The following UGT2B11 variants were observed in gnomAD, a reference collection of about 807,000 sequenced individuals.
The protein encoded by UGT2B11 is UDP-glucuronosyltransferase 2B11.
UGT2B11 carries 49 observed loss-of-function variants against 51.7 expected under a neutral mutation model. The observed-to-expected ratio is 0.95, with a 90% CI of 0.75 to 1.20. UGT2B11 has a LOEUF of 1.20. Ranked by LOEUF, UGT2B11 falls within the 50% of genes most tolerant of loss-of-function variation. The probability of loss-of-function intolerance (pLI) is 0.00; values close to 1 mark genes in which losing one functional copy is unlikely to be tolerated. For missense variants in UGT2B11, 810 were observed against 622.1 expected, an observed-to-expected ratio of 1.30 and a Z score of -3.21; for synonymous variants, 273 against 209.0, an observed-to-expected ratio of 1.31 and a Z score of -2.64.
chr4:69,204,494 C>G lies in UGT2B11; in HGVS notation c.1246G>C (p.Asp416His). 2.5e-6 allele frequency: 4 copies of G among 1,612,226 alleles called. No individual in the cohort carries two copies. The highest frequency in any genetic ancestry group is 3.4e-6 in the Non-Finnish European group (4 of 1,178,822). The change falls in exon 5 of 6, where the codon GAC becomes CAC. Residue 416 changes from aspartate (D) to histidine (H), a missense_variant. Coordinates refer to ENST00000446444, the MANE Select transcript of UGT2B11 (RefSeq NM_001073.3). ...TCTGTACTCGACATTGTGTTGAAGTCCAATCTAACAGCTGCTCCCTTGGCC... is the reference window on the plus strand; with the variant it reads ...TCTGTACTCGACATTGTGTTGAAGTGCAATCTAACAGCTGCTCCCTTGGCC... ...MKAKGAAVRL[D>H]FNTMSSTDLL...
At chr4:69,218,646 C>T (rs536095913), upstream of UGT2B11, among the ~76,000 whole-genome samples, 21 of 151,958 alleles carry the variant, frequency 1.4e-4, no homozygotes, top group African/African-American at 3.9e-4. Flanking sequence ...ATTCAGACAC[C>T]GAGAGAAGGT....
chr4:69,206,207 A>G (rs1721850246), intron 3 of UGT2B11, among the ~76,000 whole-genome samples: 1 of 151,584 alleles, frequency 6.6e-6, no homozygotes, highest in Non-Finnish European at 1.5e-5. Context: ...CACAATAGCA[A>G]GGACATGCAG....
the UGT2B11 span, among the ~76,000 whole-genome samples, chr4:69,223,861 G>A: frequency 5.6e-4 from 86 of 152,240 alleles, no homozygotes; most frequent in African/African-American, 2.0e-3. Context: ...GGTTCAAATA[G>A]CAATTCAATG....
intron 2 of UGT2B11, among the ~76,000 whole-genome samples, chr4:69,210,027 G>C (rs1722000519): frequency 6.6e-6 from 1 of 150,720 alleles, no homozygotes; most frequent in African/African-American, 2.4e-5. Context: ...TATTTATATA[G>C]GTCAATGTAT....
upstream of UGT2B11, chr4:69,214,964 G>A (rs1287381126): frequency 1.8e-6 from 1 of 569,290 alleles, no homozygotes; most frequent in African/African-American, 1.9e-5. Flanking sequence ...TAATGACCTT[G>A]CAAGTACCCT....
At position 69,204,558 on chromosome 4, in the gene UGT2B11, T is replaced by C. The variant is rs1251317776; in HGVS notation, c.1182A>G (p.Pro394=). ...TGTTATCAGGTTGATCAAAAAACAA[T>C]GGAATGCCCACCATAGGGATCCCAT... is the stretch of plus-strand genomic sequence containing the variant. ...IYHGIPMVGI[P]LFFDQPDNIA... Residue 394 remains proline (P), a synonymous_variant, in exon 5 of 6, where the codon CCA becomes CCG. Coordinates refer to ENST00000446444, the MANE Select transcript of UGT2B11 (RefSeq NM_001073.3). 1.9e-6 allele frequency: 3 copies of C among 1,612,302 alleles called. No individual in the cohort carries two copies. Among genetic ancestry groups the C allele is most frequent in the East Asian group, 4.5e-5 (2 of 44,768 alleles).
At chr4:69,207,250 T>A (rs1237025494) in intron 3 of UGT2B11, among the ~76,000 whole-genome samples, 2 of 151,644 alleles carry the variant, frequency 1.3e-5, no homozygotes, top group African/African-American at 2.4e-5. Context: ...ACATTCTTAT[T>A]TTAAGTTACT....
chr4:69,217,112 T>C (rs1005859814), upstream of UGT2B11, among the ~76,000 whole-genome samples: 13 of 152,258 alleles, frequency 8.5e-5, no homozygotes, highest in East Asian at 5.8e-4. Context: ...TTGTCTAAAT[T>C]ACAATATTTT....
upstream of UGT2B11, among the ~76,000 whole-genome samples, chr4:69,218,647 G>T (rs928686104): frequency 6.6e-6 from 1 of 152,018 alleles, no homozygotes; most frequent in Non-Finnish European, 1.5e-5. Context: ...TTCAGACACC[G>T]AGAGAAGGTT....
At chr4:69,219,442 A>G (rs1439788187), upstream of UGT2B11, among the ~76,000 whole-genome samples, 4 of 151,926 alleles carry the variant, frequency 2.6e-5, no homozygotes, top group Non-Finnish European at 5.9e-5. Context: ...GGGGCTTTTT[A>G]GTTCAGTTAT....
At chr4:69,205,417 G>C in intron 4 of UGT2B11, 63 bp downstream of exon 4, 2 of 1,559,568 alleles carry the variant, frequency 1.3e-6, no homozygotes, top group Non-Finnish European at 1.7e-6. Context: ...CAATAAGCAT[G>C]TTTCATTAAC....
At chr4:69,209,781 T>C (rs1721989679) in intron 2 of UGT2B11, among the ~76,000 whole-genome samples, 1 of 151,582 alleles carries the variant, frequency 6.6e-6, no homozygotes. Context: ...ACTGGCTTGA[T>C]ATCAGAGCCT....
upstream of UGT2B11, chr4:69,216,578 T>C (rs1233865305): frequency 6.6e-6 from 1 of 151,396 alleles, no homozygotes; most frequent in Non-Finnish European, 1.5e-5. Context: ...TCTCGCAGGA[T>C]TCAGGGCTAA....
At chr4:69,223,756 T>G in the UGT2B11 span, among the ~76,000 whole-genome samples, 1 of 152,176 alleles carries the variant, frequency 6.6e-6, no homozygotes, top group African/African-American at 2.4e-5. Context: ...CTGTCCCCAC[T>G]TCCCATCAAA....
At chr4:69,206,727 C>T (rs1252160247) in intron 3 of UGT2B11, among the ~76,000 whole-genome samples, 1 of 151,406 alleles carries the variant, frequency 6.6e-6, no homozygotes, top group African/African-American at 2.4e-5. Context: ...TGTAATAAAA[C>T]AGTTACTATT....
chr4:69,214,382 T>C lies in UGT2B11; in HGVS notation c.341A>G (p.Glu114Gly), dbSNP rs1260404136. ...TATGTCATATAATTCCCACAGGATT[T>C]CTTGTTCTTGTGAAAAATATAACCA... ...SFWLYFSQEQ[E>G]ILWELYDIFR... is the part of the protein sequence containing the mutation. Residue 114 changes from glutamate to glycine, a missense_variant, in exon 1 of 6, where the codon GAA becomes GGA. Transcript: ENST00000446444. The C allele has an allele frequency of 6.2e-7, 1 of 1,612,658 alleles. No individual in the cohort carries two copies. Among genetic ancestry groups the C allele is most frequent in the Non-Finnish European group, 8.5e-7 (1 of 1,179,392 alleles).
In UGT2B11 at chr4:69,204,585, G is replaced by A. The variant is rs551085437; in HGVS notation, c.1155C>T (p.Tyr385=). The A allele has an allele frequency of 1.9e-6, 3 of 1,612,134 alleles. No homozygotes were observed. The highest frequency in any genetic ancestry group is 1.1e-5 in the South Asian group (1 of 91,038). ...GAATGCCCACCATAGGGATCCCATG[G>A]TAGATTGCCTCATAGATGCCATTGG... The part of the protein sequence containing the change: ...GGANGIYEAI[Y]HGIPMVGIPL... Residue 385 remains tyrosine, a synonymous_variant, in exon 5 of 6, where the codon TAC becomes TAT. Transcript: ENST00000446444.
intron 2 of UGT2B11, among the ~76,000 whole-genome samples, chr4:69,210,449 G>T (rs1722018322): frequency 6.6e-6 from 1 of 151,480 alleles, no homozygotes; most frequent in African/African-American, 2.4e-5. Context: ...AATGCAACCT[G>T]GGTTAGCAAT....
chr4:69,204,288 A>G, intron 5 of UGT2B11, 142 bp downstream of exon 5: 1 of 1,334,658 alleles, frequency 7.5e-7, no homozygotes, highest in Non-Finnish European at 1.0e-6. Flanking sequence ...TAGATGATAA[A>G]AACAAAGCAG....
Sources: allele counts gnomAD v4.1 joint callset (sites outside exome capture counted in the v4.1 genomes callset), GRCh38; gene constraint gnomAD v4.1.1; transcripts MANE v1.5; gene names NCBI Gene and HGNC (gene_info 2026-07-23, HGNC 2026-07-21).